RIGI: variants seen among roughly 807,000 people sequenced by gnomAD.
The protein encoded by RIGI is RNA sensor RIG-I.
chr9:32,463,260 C>T, the RIGI span, among the ~76,000 whole-genome samples: 1 of 152,176 alleles, frequency 6.6e-6, no homozygotes, highest in Non-Finnish European at 1.5e-5. Flanking sequence ...TCCAATTTTT[C>T]AGTTGTAAAA....
the RIGI span, chr9:32,456,252 G>A: frequency 2.6e-5 from 4 of 152,154 alleles, no homozygotes; most frequent in East Asian, 7.7e-4. Flanking sequence ...AGGGCAAGAT[G>A]TATAGTAAAC....
At chr9:32,481,588 C>CTT in the RIGI span, 78 of 756,052 alleles carry the variant, frequency 1.0e-4, no homozygotes, top group South Asian at 1.2e-4. Flanking sequence ...TTTTCTTTTT[C>CTT]TTTTTTTTTT....
At chr9:32,516,485 C>G in the RIGI span, among the ~76,000 whole-genome samples, 1 of 152,144 alleles carries the variant, frequency 6.6e-6, no homozygotes, top group African/African-American at 2.4e-5. Context: ...ACTGCCCACC[C>G]AATTTTGGCT....
chr9:32,459,309 C>T, the RIGI span: 1 of 1,551,058 alleles, frequency 6.4e-7, no homozygotes, highest in East Asian at 2.3e-5. Flanking sequence ...AAATATTTCA[C>T]CAACAGTAAG....
At chr9:32,480,391 T>C in the RIGI span, 2 of 1,541,078 alleles carry the variant, frequency 1.3e-6, no homozygotes, top group South Asian at 2.5e-5. Flanking sequence ...ATGCTTCCAA[T>C]GTCTAACACA....
the RIGI span, chr9:32,459,238 C>CT: frequency 1.7e-6 from 2 of 1,166,216 alleles, no homozygotes; most frequent in East Asian, 2.6e-5. Flanking sequence ...CACTTCTTAG[C>CT]TTTTTTTAAA....
At chr9:32,496,764 T>C in the RIGI span, among the ~76,000 whole-genome samples, 1 of 152,250 alleles carries the variant, frequency 6.6e-6, no homozygotes, top group Non-Finnish European at 1.5e-5. Flanking sequence ...ATACATGGTA[T>C]AAGTGTCAAA....
the RIGI span, among the ~76,000 whole-genome samples, chr9:32,486,888 G>A: frequency 6.6e-6 from 1 of 152,188 alleles, no homozygotes; most frequent in Non-Finnish European, 1.5e-5. Context: ...CCTATTACAT[G>A]TCTATTTGTT....
At chr9:32,515,763 A>G in the RIGI span, among the ~76,000 whole-genome samples, 1 of 152,204 alleles carries the variant, frequency 6.6e-6, no homozygotes, top group Non-Finnish European at 1.5e-5. Context: ...CCAAAAGTCA[A>G]TAATGCCAAA....
chr9:32,504,038 AACACACAC>A, the RIGI span, among the ~76,000 whole-genome samples: 2 of 135,662 alleles, frequency 1.5e-5, no homozygotes, highest in African/African-American at 5.6e-5. Flanking sequence ...CAAGACTCCA[AACACACAC>A]ACACACACAC....
At chr9:32,500,263 A>C in the RIGI span, among the ~76,000 whole-genome samples, 1 of 152,294 alleles carries the variant, frequency 6.6e-6, no homozygotes, top group Non-Finnish European at 1.5e-5. Context: ...TCACTGAAAA[A>C]GTATGTAGGA....
the RIGI span, chr9:32,457,535 G>T: frequency 2.3e-6 from 2 of 872,016 alleles, no homozygotes; most frequent in Non-Finnish European, 3.3e-6. Flanking sequence ...GAACAGGTGG[G>T]TCTCACTTAT....
the RIGI span, among the ~76,000 whole-genome samples, chr9:32,496,323 G>A: frequency 2.6e-5 from 4 of 152,196 alleles, no homozygotes; most frequent in African/African-American, 9.7e-5. Context: ...TGCCCAGATA[G>A]CTGGTAAAAC....
the RIGI span, among the ~76,000 whole-genome samples, chr9:32,494,616 A>T: frequency 1.3e-5 from 2 of 148,220 alleles, no homozygotes; most frequent in Non-Finnish European, 3.0e-5. Context: ...ATTTTGTTAT[A>T]AAAAAAAAAT....
chr9:32,475,215 G>T, the RIGI span, among the ~76,000 whole-genome samples: 1 of 152,248 alleles, frequency 6.6e-6, no homozygotes, highest in African/African-American at 2.4e-5. Context: ...GCCTCCCAAA[G>T]TGCTGGGATT....
chr9:32,523,010 A>G, the RIGI span, among the ~76,000 whole-genome samples: 1 of 152,144 alleles, frequency 6.6e-6, no homozygotes, highest in Non-Finnish European at 1.5e-5. Flanking sequence ...CATCCAGACA[A>G]TGAGACACCA....
At chr9:32,459,944 T>C in the RIGI span, among the ~76,000 whole-genome samples, 1 of 152,184 alleles carries the variant, frequency 6.6e-6, no homozygotes, top group Non-Finnish European at 1.5e-5. Flanking sequence ...GAGCCCCTGA[T>C]ATGGTTTGGC....
the RIGI span, among the ~76,000 whole-genome samples, chr9:32,495,929 T>C: frequency 6.6e-6 from 1 of 152,222 alleles, no homozygotes; most frequent in South Asian, 2.1e-4. Context: ...AGTGCTGGGA[T>C]TGCCTATTTT....
chr9:32,494,644 T>G, the RIGI span, among the ~76,000 whole-genome samples: 2 of 152,310 alleles, frequency 1.3e-5, no homozygotes, highest in East Asian at 1.9e-4. Context: ...TTTTTCACCT[T>G]GCAAATCTAA....
Sources: allele counts gnomAD v4.1 joint callset (sites outside exome capture counted in the v4.1 genomes callset), GRCh38; gene constraint gnomAD v4.1.1; transcripts MANE v1.5; gene names NCBI Gene and HGNC (gene_info 2026-07-23, HGNC 2026-07-21).